The following CNGB3 variants were observed in gnomAD, a reference collection of about 807,000 sequenced individuals.
CNGB3 encodes the protein cyclic nucleotide gated channel subunit beta 3.
CNGB3 carries 86 observed loss-of-function variants against 92.8 expected under a neutral mutation model. The ratio of observed to expected loss-of-function variants is 0.93; its 90% CI spans 0.78 to 1.11. The LOEUF (loss-of-function observed/expected upper bound fraction) is 1.11, where lower values mean the gene tolerates loss of function less well. Among genes scored for constraint, CNGB3 ranks in the 50% least tolerant of loss-of-function variants. The pLI is 0.00. For synonymous variants in CNGB3, 333 were observed against 332.7 expected (o/e 1.00, Z -0.01); for missense variants, 1,026 against 956.8 (o/e 1.07, Z -0.95).
chr8:86,582,923 T>C (rs976264992), intron 15 of CNGB3, among the ~76,000 whole-genome samples: 1 of 151,544 alleles, frequency 6.6e-6, no homozygotes, highest in South Asian at 2.1e-4. Flanking sequence ...GAAAGTAAAA[T>C]ATTTTGTCAT....
chr8:86,616,468 A>G (rs1822625572), intron 13 of CNGB3, among the ~76,000 whole-genome samples: 1 of 151,958 alleles, frequency 6.6e-6, no homozygotes, highest in Non-Finnish European at 1.5e-5. Flanking sequence ...TTTTTCCTCC[A>G]GAAAATGATT....
In CNGB3 at chr8:86,654,031, C is replaced by A; in HGVS notation, c.884G>T (p.Arg295Met). Residue 295 changes from arginine (R) to methionine (M), a missense_variant, in exon 7 of 18, where the codon AGG becomes ATG. By Grantham distance (91) the Arg-to-Met change is moderately conservative. Coordinates refer to ENST00000320005, the MANE Select transcript of CNGB3 (RefSeq NM_019098.5). ...VDSNELRKHY[R>M]TSTKFQLDVA... ...ACCTACCTGAAATTTTGTAGAAGTC[C>A]TGTAGTGTTTCCTTAGCTCATTTGA... is the stretch of plus-strand genomic sequence containing the variant. 3 of 1,602,980 alleles carry A rather than the reference C, an allele frequency of 1.9e-6. No individual in the cohort carries two copies. The highest frequency in any genetic ancestry group is 2.6e-6 in the Non-Finnish European group (3 of 1,170,108).
intron 15 of CNGB3, among the ~76,000 whole-genome samples, chr8:86,583,921 CAAAAAAAA>C (rs71574285): frequency 9.8e-5 from 6 of 61,184 alleles, no homozygotes; most frequent in African/African-American, 4.2e-4. Flanking sequence ...GACCTTGTCT[CAAAAAAAA>C]AAAAAAAAAA....
At chr8:86,638,777 T>C (rs957233888) in intron 10 of CNGB3, among the ~76,000 whole-genome samples, 1 of 152,032 alleles carries the variant, frequency 6.6e-6, no homozygotes, top group Non-Finnish European at 1.5e-5. Context: ...TCCCCTGTCA[T>C]GCTTCTCACT....
intron 10 of CNGB3, among the ~76,000 whole-genome samples, chr8:86,633,317 C>T (rs1237082265): frequency 6.6e-6 from 1 of 152,200 alleles, no homozygotes; most frequent in East Asian, 1.9e-4. Context: ...TGACTGTTGG[C>T]TGGGTTCCCC....
At chr8:86,594,171 C>T (rs567579167) in intron 15 of CNGB3, 6 of 277,700 alleles carry the variant, frequency 2.2e-5, no homozygotes, top group South Asian at 1.1e-4. Flanking sequence ...GTGTCTCCAA[C>T]GATCACCCAC....
chr8:86,625,079 C>T (rs1304218987), intron 13 of CNGB3, among the ~76,000 whole-genome samples: 2 of 152,158 alleles, frequency 1.3e-5, no homozygotes, highest in Admixed American at 6.6e-5. Flanking sequence ...GCTGTGCTTC[C>T]TGTACAGCCT....
At chr8:86,593,684 A>G in intron 15 of CNGB3, 1 of 674,950 alleles carries the variant, frequency 1.5e-6, no homozygotes, top group South Asian at 1.6e-5. Flanking sequence ...CCACAGCCAG[A>G]CCTCACTAGG....
chr8:86,710,476 A>T (rs1370165101), intron 3 of CNGB3, among the ~76,000 whole-genome samples: 1 of 152,018 alleles, frequency 6.6e-6, no homozygotes, highest in Non-Finnish European at 1.5e-5. Flanking sequence ...GAGGATGAAG[A>T]TCTTAAGAAA....
At chr8:86,703,554 T>G (rs1824595007) in intron 3 of CNGB3, among the ~76,000 whole-genome samples, 1 of 152,176 alleles carries the variant, frequency 6.6e-6, no homozygotes, top group Non-Finnish European at 1.5e-5. Context: ...GCAGTGTGAG[T>G]GCATGTTTAT....
rs114129068 is a variant in CNGB3, at chr8:86,718,531, T to A, written c.338+8000A>T. On this transcript the variant is annotated intron_variant, in intron 3 of 17. Transcript: ENST00000320005. ...TGAGTTTAAAATGGTAATAAAAAAATTGCCAAGAAAAAAAAGTCCAGGATC... is the reference window on the plus strand; with the variant it reads ...TGAGTTTAAAATGGTAATAAAAAAAATGCCAAGAAAAAAAAGTCCAGGATC... Among the ~76,000 whole-genome samples, 450 of 151,770 alleles carry A rather than the reference T, an allele frequency of 3.0e-3. 1 individual carries two copies. Among genetic ancestry groups the A allele is most frequent in the African/African-American group, 0.01 (425 of 41,394 alleles).
intron 2 of CNGB3, among the ~76,000 whole-genome samples, chr8:86,739,218 T>G (rs1183050536): frequency 6.6e-6 from 1 of 152,186 alleles, no homozygotes; most frequent in Non-Finnish European, 1.5e-5. Context: ...GGAGAGAGTT[T>G]AGCAGGAGGG....
At chr8:86,604,467 T>C (rs1822376443) in intron 14 of CNGB3, among the ~76,000 whole-genome samples, 1 of 152,162 alleles carries the variant, frequency 6.6e-6, no homozygotes, top group South Asian at 2.1e-4. Flanking sequence ...CATGAAGATA[T>C]TTCAGTTAGC....
intron 15 of CNGB3, among the ~76,000 whole-genome samples, chr8:86,591,562 A>T (rs1822036725): frequency 6.6e-6 from 1 of 151,698 alleles, no homozygotes; most frequent in Admixed American, 6.6e-5. Context: ...TCTAACAGAC[A>T]GGACCCTCAG....
intron 15 of CNGB3, among the ~76,000 whole-genome samples, chr8:86,585,428 G>A (rs2131540102): frequency 1.3e-5 from 2 of 152,208 alleles, no homozygotes; most frequent in African/African-American, 4.8e-5. Flanking sequence ...ATTACACATT[G>A]CATACAAACT....
At chr8:86,702,271 G>A (rs1450610835) in intron 3 of CNGB3, among the ~76,000 whole-genome samples, 1 of 152,118 alleles carries the variant, frequency 6.6e-6, no homozygotes, top group Non-Finnish European at 1.5e-5. Flanking sequence ...TCAGTAATCT[G>A]TTCTGCAGCA....
intron 3 of CNGB3, among the ~76,000 whole-genome samples, chr8:86,711,799 C>T (rs1183178306): frequency 1.4e-5 from 2 of 146,190 alleles, no homozygotes; most frequent in African/African-American, 5.2e-5. Context: ...GATGGAGGCT[C>T]TAGCAGGTAG....
chr8:86,624,877 A>T (rs1199633122), intron 13 of CNGB3, among the ~76,000 whole-genome samples: 1 of 152,144 alleles, frequency 6.6e-6, no homozygotes, highest in Non-Finnish European at 1.5e-5. Context: ...TTTCCTATGA[A>T]TGGTTCAGCA....
At chr8:86,577,244 T>C (rs1821678639) in intron 17 of CNGB3, among the ~76,000 whole-genome samples, 2 of 152,252 alleles carry the variant, frequency 1.3e-5, no homozygotes. Flanking sequence ...AGCTTTCTGC[T>C]CTGTAACTAA....
Sources: gnomAD v4.1 joint callset for allele counts (sites outside exome capture counted in the v4.1 genomes callset) on GRCh38, gnomAD v4.1.1 for gene constraint, MANE v1.5 for transcripts, NCBI Gene and HGNC (gene_info 2026-07-23, HGNC 2026-07-21) for gene names.